USP9X: variants seen among roughly 807,000 people sequenced by gnomAD.
USP9X encodes the protein ubiquitin carboxyl-terminal hydrolase 9X.
A neutral mutation model predicts 190.3 loss-of-function variants in USP9X; 7 were observed. The observed-to-expected ratio is 0.04, with a 90% CI of 0.02 to 0.07. The LOEUF is 0.07. Ranked by LOEUF, USP9X falls within the 10% of genes least tolerant of loss-of-function variation. USP9X has a pLI of 1.00. For synonymous variants in USP9X, 645 were observed against 659.5 expected (o/e 0.98, Z 0.34); for missense variants, 1,010 against 1,916.9 (o/e 0.53, Z 8.83).
Position 41,216,063 on chromosome X carries a change from C to A in USP9X, c.5496C>A (p.Val1832=), listed in dbSNP as rs767682794. ...TGGAACCTTACACAGTTGCAGGTGT[C>A]GCAAAGCTGGAAGGGGATAATGTAA... is the stretch of plus-strand genomic sequence containing the variant. The part of the protein sequence containing the change: ...LDMEPYTVAG[V]AKLEGDNVNP... The change falls in exon 35 of 45, where the codon GTC becomes GTA. Residue 1832 remains valine (V), a synonymous_variant. Transcript: ENST00000378308. The A allele has an allele frequency of 8.3e-7, 1 of 1,211,409 alleles. No homozygotes were observed. The highest frequency in any genetic ancestry group is 1.7e-5 in the African/African-American group (1 of 57,630).
At chrX:41,087,634 A>G (rs2061923523) in intron 1 of USP9X, among the ~76,000 whole-genome samples, 1 of 112,546 alleles carries the variant, frequency 8.9e-6, no homozygotes, top group African/African-American at 3.2e-5. Context: ...GTGGAGTGAA[A>G]GCTTGAAGTA....
At chrX:41,107,310 C>T (rs1042372677) in intron 1 of USP9X, among the ~76,000 whole-genome samples, 34 of 112,488 alleles carry the variant, frequency 3.0e-4, no homozygotes, top group African/African-American at 9.7e-4. Flanking sequence ...TGAGCCACTG[C>T]GCTTGGCACG....
rs369178019 is a variant in USP9X, at chrX:41,196,668, A to G, written c.4163A>G (p.Asn1388Ser). 6.5e-5 allele frequency: 78 copies of G among 1,199,715 alleles called. No homozygotes were observed. In the Admixed American group the frequency reaches 8.7e-4, roughly 13 times the overall value. Residue 1388 changes from asparagine (N) to serine (S), a missense_variant, in exon 28 of 45, where the codon AAT becomes AGT. By Grantham distance (46) the Asn-to-Ser change is conservative. Coordinates refer to ENST00000378308, the MANE Select transcript of USP9X (RefSeq NM_001039591.3). ...AGACACCTTCTTAATTACGCTTACA[A>G]TAGTAATATTAATGTACCCAATGCT... ...LLRHLLNYAY[N>S]SNINVPNAEV...
chrX:41,100,475 G>A (rs928024358), intron 1 of USP9X, among the ~76,000 whole-genome samples: 13 of 111,443 alleles, frequency 1.2e-4, no homozygotes, highest in African/African-American at 4.2e-4. Context: ...CTGAGTAAAT[G>A]AGCGCTCTAC....
intron 1 of USP9X, among the ~76,000 whole-genome samples, chrX:41,119,077 C>T (rs1467415520): frequency 8.9e-6 from 1 of 112,006 alleles, no homozygotes; most frequent in African/African-American, 3.2e-5. Flanking sequence ...AATGCACATA[C>T]TCAAAAGCTT....
At position 41,235,103 on chromosome X, in the gene USP9X, C is replaced by G. The variant is rs2063391100; in HGVS notation, c.*2579C>G. The G allele has an allele frequency of 8.9e-6, 1 of 111,800 alleles. No individual in the cohort carries two copies. The highest frequency in any genetic ancestry group is 3.3e-5 in the African/African-American group (1 of 30,732). 9.2% of individuals were successfully genotyped at this position (111,800 alleles called of 1,213,427 possible). A position where few individuals can be genotyped will look rare whatever the true frequency, so the allele number is the denominator to read the frequency against. ...TTTTCTGCTTGGAGGAAGAGCCCAACCTTGGTTGCTTTGAAGTTACAAGCC... is the reference window on the plus strand; with the variant it reads ...TTTTCTGCTTGGAGGAAGAGCCCAAGCTTGGTTGCTTTGAAGTTACAAGCC... On this transcript the variant is annotated 3_prime_UTR_variant, in exon 45 of 45. Coordinates refer to ENST00000378308, the MANE Select transcript of USP9X (RefSeq NM_001039591.3).
intron 21 of USP9X, 124 bp from the exon 22 acceptor site, chrX:41,183,873 GT>G: frequency 1.2e-6 from 1 of 843,257 alleles, no homozygotes. Flanking sequence ...GTCTTAGGAA[GT>G]TTGAGCCTAT....
chrX:41,163,101 C>T (rs1018467922), intron 15 of USP9X, among the ~76,000 whole-genome samples: 3 of 111,884 alleles, frequency 2.7e-5, no homozygotes, highest in African/African-American at 6.5e-5. Flanking sequence ...GAATTGACTT[C>T]GTTCTTCATA....
rs759240589 is a variant in USP9X at position 41,186,588 on chromosome X, C to T, written c.3630C>T (p.Ser1210=). The T allele has an allele frequency of 7.7e-5, 93 of 1,208,808 alleles. No individual in the cohort carries two copies. The highest frequency in any genetic ancestry group is 9.6e-5 in the Non-Finnish European group (86 of 894,539). ...TTCAGAGCATTCCTAATCCATCATC[C>T]GAGTGCATGCTTAGAAATGTGTCAG... ...SALQSIPNPS[S]ECMLRNVSVR... The change falls in exon 24 of 45, where the codon TCC becomes TCT. Residue 1210 remains serine, a synonymous_variant. Coordinates refer to ENST00000378308, the MANE Select transcript of USP9X (RefSeq NM_001039591.3).
chrX:41,105,776 G>A (rs1157863003), intron 1 of USP9X, among the ~76,000 whole-genome samples: 1 of 112,111 alleles, frequency 8.9e-6, no homozygotes, highest in Non-Finnish European at 1.9e-5. Context: ...ATGCACAGGG[G>A]TTCCAGTTTC....
At chrX:41,094,675 G>T (rs186789213) in intron 1 of USP9X, among the ~76,000 whole-genome samples, 2 of 110,980 alleles carry the variant, frequency 1.8e-5, no homozygotes, top group Non-Finnish European at 3.8e-5. Flanking sequence ...AAGTGTTTCC[G>T]ATTTTGTAAT....
chrX:41,106,121 A>ATTTTAAAG (rs2062066736), intron 1 of USP9X, among the ~76,000 whole-genome samples: 2 of 111,894 alleles, frequency 1.8e-5, no homozygotes, highest in Admixed American at 1.9e-4. Flanking sequence ...GAGCACAGAA[A>ATTTTAAAG]TTTTAAAATT....
Position 41,214,364 on chromosome X carries a change from C to T in USP9X, c.5190-204C>T, listed in dbSNP as rs140014479. 1.6e-3 allele frequency among the ~76,000 whole-genome samples: 177 copies of T among 110,973 alleles called. 4 individuals carry two copies. In the East Asian group the frequency reaches 0.046, roughly 29 times the overall value. On this transcript the variant is annotated intron_variant, in intron 33 of 44. Transcript: ENST00000378308. ...CTAACATTCTATGACTTACGGGTTTCGCATTATAAAAATGGCAAATGTATG... is the reference window on the plus strand; with the variant it reads ...CTAACATTCTATGACTTACGGGTTTTGCATTATAAAAATGGCAAATGTATG...
intron 23 of USP9X, 59 bp from the exon 24 acceptor site, chrX:41,186,458 G>A: frequency 1.7e-6 from 2 of 1,160,959 alleles, no homozygotes; most frequent in Non-Finnish European, 2.3e-6. Context: ...AAGAGCAATT[G>A]GTTAGGTCTG....
chrX:41,230,883 G>C (rs1258112197), intron 44 of USP9X, among the ~76,000 whole-genome samples: 1 of 111,339 alleles, frequency 9.0e-6, no homozygotes, highest in Non-Finnish European at 1.9e-5. Context: ...TCATTGTTTA[G>C]TGCAAAGGAT....
intron 12 of USP9X, among the ~76,000 whole-genome samples, chrX:41,150,001 C>G (rs1041352184): frequency 1.3e-4 from 14 of 111,231 alleles, no homozygotes; most frequent in Non-Finnish European, 2.1e-4. Context: ...CCACAGCTCC[C>G]AGCTGTGAAT....
intron 6 of USP9X, among the ~76,000 whole-genome samples, chrX:41,140,416 A>G (rs1439970789): frequency 9.0e-6 from 1 of 111,421 alleles, no homozygotes; most frequent in Non-Finnish European, 1.9e-5. Flanking sequence ...CCTGTTCACC[A>G]CTTACATTGG....
intron 26 of USP9X, among the ~76,000 whole-genome samples, chrX:41,190,117 A>G (rs1424903667): frequency 8.9e-6 from 1 of 112,131 alleles, no homozygotes; most frequent in Non-Finnish European, 1.9e-5. Context: ...TTTTATCTGT[A>G]TTTTGTGAAA....
chrX:41,159,569 G>A (rs1263595244), intron 14 of USP9X, among the ~76,000 whole-genome samples: 2 of 107,926 alleles, frequency 1.9e-5, no homozygotes, highest in Non-Finnish European at 3.8e-5. Flanking sequence ...TTGCTCTGTC[G>A]CCCAGGCTGG....
Sources: gnomAD v4.1 joint callset for allele counts (sites outside exome capture counted in the v4.1 genomes callset) on GRCh38, gnomAD v4.1.1 for gene constraint, MANE v1.5 for transcripts, NCBI Gene and HGNC (gene_info 2026-07-23, HGNC 2026-07-21) for gene names.